PCDHGA6: variants seen among roughly 807,000 people sequenced by gnomAD.
PCDHGA6 encodes protocadherin gamma-A6.
PCDHGA6 carries 41 observed loss-of-function variants against 60.6 expected under a neutral mutation model. That is an observed-to-expected ratio of 0.68 (90% CI 0.53 to 0.88). The LOEUF (loss-of-function observed/expected upper bound fraction) is 0.88, where lower values mean the gene tolerates loss of function less well. Among genes scored for constraint, PCDHGA6 ranks in the 40% least tolerant of loss-of-function variants. The pLI, the probability that PCDHGA6 is intolerant of heterozygous loss-of-function variation, is 0.00. For synonymous variants in PCDHGA6, 594 were observed against 524.4 expected (o/e 1.13, Z -1.81); for missense variants, 1,312 against 1,203.0 (o/e 1.09, Z -1.34).
intron 1 of PCDHGA6, among the ~76,000 whole-genome samples, chr5:141,446,698 G>C (rs750413432): frequency 1.3e-5 from 2 of 152,070 alleles, no homozygotes; most frequent in African/African-American, 4.8e-5. Flanking sequence ...GGCTGGTCTC[G>C]AACTCTGATC....
intron 1 of PCDHGA6, chr5:141,415,478 G>C: frequency 6.2e-7 from 1 of 1,614,082 alleles, no homozygotes; most frequent in Non-Finnish European, 8.5e-7. Flanking sequence ...GCGGACTCGC[G>C]AAAGAGTCAC....
At chr5:141,499,548 A>G (rs1312910986) in intron 2 of PCDHGA6, among the ~76,000 whole-genome samples, 3 of 152,226 alleles carry the variant, frequency 2.0e-5, no homozygotes, top group African/African-American at 7.2e-5. Flanking sequence ...ATGAACCTGT[A>G]TGATACCACT....
chr5:141,452,678 C>T (rs1311364057), intron 1 of PCDHGA6, among the ~76,000 whole-genome samples: 1 of 150,100 alleles, frequency 6.7e-6, no homozygotes, highest in African/African-American at 2.5e-5. Flanking sequence ...GCCTAGGCCA[C>T]AGAATGAAAC....
chr5:141,376,154 C>T lies in PCDHGA6; in HGVS notation c.2071C>T (p.Leu691=), dbSNP rs1425376305. The T allele has an allele frequency of 6.8e-6, 11 of 1,614,032 alleles. No individual in the cohort carries two copies. Among genetic ancestry groups the T allele is most frequent in the Middle Eastern group, 1.7e-4 (1 of 6,016 alleles). Residue 691 remains leucine (L), a synonymous_variant, in exon 1 of 4, where the codon CTG becomes TTG. Coordinates refer to ENST00000517434, the MANE Select transcript of PCDHGA6 (RefSeq NM_018919.3). ...CAAACCCAACGATTCGGACCTCACTCTGTACCTGGTGGTGGCGGTGGCCGC... is the reference window on the plus strand; with the variant it reads ...CAAACCCAACGATTCGGACCTCACTTTGTACCTGGTGGTGGCGGTGGCCGC... ...SAKPNDSDLT[L]YLVVAVAAVS...
At chr5:141,400,740 G>T in intron 1 of PCDHGA6, 1 of 616,766 alleles carries the variant, frequency 1.6e-6, no homozygotes, top group Non-Finnish European at 2.8e-6. Context: ...GTGAGAGTTT[G>T]CTCTTAGCTT....
At chr5:141,385,412 G>T in intron 1 of PCDHGA6, 1 of 1,472,506 alleles carries the variant, frequency 6.8e-7, no homozygotes, top group Admixed American at 2.7e-5. Context: ...TTGAAAATAG[G>T]GATTTAAAAA....
intron 1 of PCDHGA6, chr5:141,414,464 A>G (rs1331771342): frequency 1.2e-6 from 2 of 1,613,904 alleles, no homozygotes; most frequent in African/African-American, 1.3e-5. Context: ...ACAGCCACAG[A>G]TGGGGGAAGT....
chr5:141,422,587 CCTCA>C, intron 1 of PCDHGA6: 1 of 1,614,032 alleles, frequency 6.2e-7, no homozygotes, highest in Non-Finnish European at 8.5e-7. Context: ...TCCCGTTTTT[CCTCA>C]CTCCTCTTAC....
chr5:141,422,040 C>A, intron 1 of PCDHGA6: 1 of 1,611,442 alleles, frequency 6.2e-7, no homozygotes, highest in Non-Finnish European at 8.5e-7. Context: ...CGGATCCAGA[C>A]GAGGGAATCA....
intron 1 of PCDHGA6, among the ~76,000 whole-genome samples, chr5:141,450,008 T>A (rs78952430): frequency 4.8e-4 from 18 of 37,340 alleles, no homozygotes; most frequent in African/African-American, 6.8e-4. Context: ...CCATGTCTCT[T>A]TTTTTTTTTT....
intron 1 of PCDHGA6, chr5:141,468,696 C>G (rs1483766202): frequency 6.6e-6 from 1 of 151,386 alleles, no homozygotes; most frequent in East Asian, 2.0e-4. Context: ...GAAACCCCGT[C>G]TCTACTAAAA....
chr5:141,419,414 GCCTTCGACCACGAGCAGCTGCGCA>G, intron 1 of PCDHGA6: 1 of 1,613,428 alleles, frequency 6.2e-7, no homozygotes, highest in South Asian at 1.1e-5. Context: ...CGCGCAGCGC[GCCTTCGACCACGAGCAGCTGCGCA>G]CCTTCGAGCT....
At chr5:141,406,729 C>A (rs1051103218) in intron 1 of PCDHGA6, among the ~76,000 whole-genome samples, 1 of 152,200 alleles carries the variant, frequency 6.6e-6, no homozygotes, top group Non-Finnish European at 1.5e-5. Context: ...GTTTCTAAGA[C>A]TGGACACTGT....
chr5:141,494,491 T>C (rs2099754727), intron 1 of PCDHGA6, among the ~76,000 whole-genome samples: 1 of 152,150 alleles, frequency 6.6e-6, no homozygotes, highest in Admixed American at 6.5e-5. Context: ...AGAAGATGCC[T>C]TCAGTCCTTG....
In PCDHGA6 at chr5:141,477,868, C is replaced by T. The variant is rs1450078298; in HGVS notation, c.2425-16939C>T. 2 of 1,613,750 alleles carry T rather than the reference C, an allele frequency of 1.2e-6. No individual in the cohort carries two copies. Among genetic ancestry groups the T allele is most frequent in the Admixed American group, 3.3e-5 (2 of 59,988 alleles). On this transcript the variant is annotated intron_variant, in intron 1 of 3. Coordinates refer to ENST00000517434, the MANE Select transcript of PCDHGA6 (RefSeq NM_018919.3). This position sits in a 1 kb window ranked among gnomAD's most constrained non-coding sequence, Gnocchi z 4.9. ...CGGTGGAGATGCTGCCTCGAGGTAC[C>T]TCAGCTGGCCACCTAGTGTCACGGG...
At chr5:141,398,730 C>T (rs200411955) in intron 1 of PCDHGA6, 568 of 1,613,656 alleles carry the variant, frequency 3.5e-4, no homozygotes, top group Non-Finnish European at 4.6e-4. Context: ...AAACCTTAGA[C>T]CGGGAACAAC....
intron 3 of PCDHGA6, among the ~76,000 whole-genome samples, chr5:141,506,598 G>A (rs1056005258): frequency 6.6e-6 from 1 of 152,130 alleles, no homozygotes; most frequent in Non-Finnish European, 1.5e-5. Context: ...CAGTATTAAC[G>A]GATCTCATTG....
intron 2 of PCDHGA6, among the ~76,000 whole-genome samples, chr5:141,503,800 C>T (rs756250566): frequency 1.3e-5 from 2 of 151,994 alleles, no homozygotes; most frequent in South Asian, 2.1e-4. Flanking sequence ...TACTTAGGGA[C>T]GGGGAATCCC....
intron 1 of PCDHGA6, chr5:141,424,460 C>T (rs2096822106): frequency 6.6e-6 from 1 of 152,056 alleles, no homozygotes; most frequent in African/African-American, 2.4e-5. Context: ...GTATTATTTC[C>T]TTTTATTCTT....
Sources: allele counts gnomAD v4.1 joint callset (sites outside exome capture counted in the v4.1 genomes callset), GRCh38; gene constraint gnomAD v4.1.1; non-coding constraint Gnocchi (gnomAD v3.1); transcripts MANE v1.5; gene names NCBI Gene and HGNC (gene_info 2026-07-23, HGNC 2026-07-21).